Variants in CACNA2D3 observed in about 807,000 individuals in gnomAD.
The protein encoded by CACNA2D3 is voltage-dependent calcium channel subunit alpha-2/delta-3.
In CACNA2D3, 60 loss-of-function variants were observed where a neutral mutation model predicts 160.6. That is an observed-to-expected ratio of 0.37 (90% CI 0.30 to 0.46). The LOEUF is 0.46. Among genes scored for constraint, CACNA2D3 ranks in the 20% least tolerant of loss-of-function variants. The probability of loss-of-function intolerance (pLI) is 1.00; values close to 1 mark genes in which losing one functional copy is unlikely to be tolerated. For synonymous variants in CACNA2D3, 558 were observed against 492.9 expected (o/e 1.13, Z -1.75); for missense variants, 1,205 against 1,365.0 (o/e 0.88, Z 1.85).
At chr3:54,524,327 T>C (rs145362982) in intron 5 of CACNA2D3, among the ~76,000 whole-genome samples, 145 of 152,268 alleles carry the variant, frequency 9.5e-4, no homozygotes, top group African/African-American at 3.3e-3. Flanking sequence ...CTTCCTATTA[T>C]TGAGTTCTAA....
rs116336534 is a variant in CACNA2D3, at chr3:54,503,216, T to C, written c.382-276T>C. 2.8e-3 allele frequency among the ~76,000 whole-genome samples: 430 copies of C among 152,338 alleles called. 3 individuals carry two copies. Among genetic ancestry groups the C allele is most frequent in the African/African-American group, 9.8e-3 (409 of 41,584 alleles). On this transcript the variant is annotated intron_variant, in intron 4 of 37. Coordinates refer to ENST00000474759, the MANE Select transcript of CACNA2D3 (RefSeq NM_018398.3). ...AAAATTTAAAGAATTAAAATGTTTC[T>C]AGGGCAGTTTTCTCTATATGCACAT...
intron 4 of CACNA2D3, among the ~76,000 whole-genome samples, chr3:54,458,027 C>G (rs942787802): frequency 3.9e-5 from 6 of 151,966 alleles, no homozygotes; most frequent in African/African-American, 7.2e-5. Context: ...ATTTTTGTAT[C>G]CATTCTGCCA....
intron 2 of CACNA2D3, among the ~76,000 whole-genome samples, chr3:54,195,237 G>A (rs1215708912): frequency 6.6e-6 from 1 of 152,168 alleles, no homozygotes; most frequent in Non-Finnish European, 1.5e-5. Flanking sequence ...GTGATCTGGA[G>A]GAAAACTCTG....
chr3:54,544,481 G>T (rs1702030169), intron 5 of CACNA2D3, among the ~76,000 whole-genome samples: 1 of 151,566 alleles, frequency 6.6e-6, no homozygotes, highest in Non-Finnish European at 1.5e-5. Context: ...ATAGCTCACT[G>T]CAACCTCCAA....
chr3:54,692,099 G>T (rs984198726), intron 11 of CACNA2D3, among the ~76,000 whole-genome samples: 2 of 151,898 alleles, frequency 1.3e-5, no homozygotes, highest in African/African-American at 4.8e-5. Flanking sequence ...TCAGCCTCCC[G>T]AGTAGCTGGG....
At chr3:54,878,842 T>C (rs1699725129) in intron 18 of CACNA2D3, 176 bp from the exon 19 acceptor site, 1 of 450,574 alleles carries the variant, frequency 2.2e-6, no homozygotes, top group Non-Finnish European at 3.9e-6. Context: ...CATTTATTTA[T>C]TGTTGTTAGC....
intron 2 of CACNA2D3, among the ~76,000 whole-genome samples, chr3:54,306,328 T>TGAGAGAGAGAGAGAGAGAGA (rs140311356): frequency 1.9e-3 from 289 of 151,326 alleles, no homozygotes; most frequent in South Asian, 0.013. Context: ...TGTGTGTATA[T>TGAGAGAGAGAGAGAGAGAGA]GAGAGAGAGA....
intron 34 of CACNA2D3, among the ~76,000 whole-genome samples, chr3:55,012,606 G>A (rs1703233264): frequency 6.6e-6 from 1 of 152,102 alleles, no homozygotes; most frequent in Admixed American, 6.5e-5. Context: ...GTTTTCAAAT[G>A]GGGGCAGTTT....
At chr3:54,182,640 T>C (rs761948477) in intron 2 of CACNA2D3, among the ~76,000 whole-genome samples, 2 of 152,216 alleles carry the variant, frequency 1.3e-5, no homozygotes, top group Non-Finnish European at 1.5e-5. Context: ...CTATGTTAGA[T>C]AACTCTACCA....
intron 2 of CACNA2D3, among the ~76,000 whole-genome samples, chr3:54,163,092 TGAG>T (rs1378590681): frequency 2.0e-5 from 3 of 152,106 alleles, no homozygotes; most frequent in Non-Finnish European, 4.4e-5. Context: ...ACACAGCCAG[TGAG>T]GAGGAGTGGT....
chr3:54,933,011 A>G (rs1382268297), intron 27 of CACNA2D3, among the ~76,000 whole-genome samples: 1 of 152,064 alleles, frequency 6.6e-6, no homozygotes, highest in Non-Finnish European at 1.5e-5. Context: ...ATACAGAGCT[A>G]TTTTAAAGTT....
At position 55,038,870 on chromosome 3, in the gene CACNA2D3, A is replaced by C. The variant is rs1703893043; in HGVS notation, c.2987+20553A>C. Among the ~76,000 whole-genome samples the C allele has an allele frequency of 2.5e-4, 3 of 12,108 alleles. No homozygotes were observed. In the South Asian group the frequency reaches 8.4e-3, roughly 34 times the overall value. 7.9% of individuals were successfully genotyped at this position (12,108 alleles called of 152,430 possible). A position where few individuals can be genotyped will look rare whatever the true frequency, so the allele number is the denominator to read the frequency against. ...AAGTGAAGTAGCCAGGATGCTATAT[A>C]TATATATATATATATATATATATAT... On this transcript the variant is annotated intron_variant, in intron 35 of 37. Coordinates refer to ENST00000474759, the MANE Select transcript of CACNA2D3 (RefSeq NM_018398.3).
At chr3:54,216,731 G>C (rs1344643966) in intron 2 of CACNA2D3, among the ~76,000 whole-genome samples, 1 of 152,162 alleles carries the variant, frequency 6.6e-6, no homozygotes, top group Admixed American at 6.5e-5. Flanking sequence ...TAACTGTTTT[G>C]TTTTTGTCAA....
intron 2 of CACNA2D3, among the ~76,000 whole-genome samples, chr3:54,228,764 A>G (rs1559889069): frequency 1.3e-5 from 2 of 152,226 alleles, no homozygotes; most frequent in African/African-American, 4.8e-5. Flanking sequence ...AGATGACAGA[A>G]TCACTGTTTC....
At chr3:54,686,994 G>C (rs1446872503) in intron 11 of CACNA2D3, among the ~76,000 whole-genome samples, 1 of 152,118 alleles carries the variant, frequency 6.6e-6, no homozygotes, top group Non-Finnish European at 1.5e-5. Context: ...TTTTGACCCG[G>C]AGTCATTGTA....
intron 2 of CACNA2D3, among the ~76,000 whole-genome samples, chr3:54,153,367 A>G (rs573628304): frequency 2.6e-5 from 4 of 152,334 alleles, no homozygotes; most frequent in African/African-American, 9.6e-5. Context: ...ACTCATATTT[A>G]TTTTGCAGCA....
In CACNA2D3 at chr3:54,413,415, TATAG is replaced by T. The variant is rs201066891; in HGVS notation, c.381+26645_381+26648del. 8.9e-3 allele frequency among the ~76,000 whole-genome samples: 1,257 copies of T among 141,610 alleles called. 18 individuals are homozygous for T. Among genetic ancestry groups the T allele is most frequent in the African/African-American group, 0.029 (1,178 of 40,278 alleles). 92.9% of individuals were successfully genotyped at this position (141,610 alleles called of 152,430 possible). A position where few individuals can be genotyped will look rare whatever the true frequency, so the allele number is the denominator to read the frequency against. On this transcript the variant is annotated intron_variant, in intron 4 of 37. Coordinates refer to ENST00000474759, the MANE Select transcript of CACNA2D3 (RefSeq NM_018398.3). Reference sequence around the variant, plus strand: ...ATATATATCTATATATATCTATATATATAGATATCTATATATATATATATCTGCT... The same window carrying T: ...ATATATATCTATATATATCTATATATATATCTATATATATATATATCTGCT...
intron 29 of CACNA2D3, among the ~76,000 whole-genome samples, chr3:54,983,496 G>C (rs1254595473): frequency 1.3e-5 from 2 of 152,198 alleles, no homozygotes; most frequent in East Asian, 1.9e-4. Context: ...GCTGTGAACA[G>C]GTTACTCAAG....
chr3:54,147,764 T>C (rs892268588), intron 2 of CACNA2D3, among the ~76,000 whole-genome samples: 3 of 152,208 alleles, frequency 2.0e-5, no homozygotes, highest in African/African-American at 4.8e-5. Flanking sequence ...CAAGGTGGGC[T>C]TTTCCAAAGG....
Sources: allele counts gnomAD v4.1 joint callset (sites outside exome capture counted in the v4.1 genomes callset), GRCh38; gene constraint gnomAD v4.1.1; transcripts MANE v1.5; gene names NCBI Gene and HGNC (gene_info 2026-07-23, HGNC 2026-07-21).